RIPOR2: variants seen among roughly 807,000 people sequenced by gnomAD.
RIPOR2 encodes the protein rho family-interacting cell polarization regulator 2.
In RIPOR2, 39 loss-of-function variants were observed where a neutral mutation model predicts 114.5. The observed-to-expected ratio is 0.34, with a 90% CI of 0.26 to 0.44. RIPOR2 has a LOEUF of 0.44. RIPOR2 is among the 20% of genes least tolerant of loss of function. The pLI is 1.00. For missense variants in RIPOR2, 1,007 were observed against 1,255.1 expected (o/e 0.80, Z 2.99); for synonymous variants, 445 against 484.4 (o/e 0.92, Z 1.07).
intron 1 of RIPOR2, among the ~76,000 whole-genome samples, chr6:24,882,410 G>T (rs1766434427): frequency 6.6e-6 from 1 of 152,234 alleles, no homozygotes; most frequent in South Asian, 2.1e-4. Context: ...GAGTAGAAGT[G>T]CTGGAGGCAT....
chr6:24,842,513 G>A (rs557267272), intron 13 of RIPOR2, among the ~76,000 whole-genome samples: 51 of 152,220 alleles, frequency 3.4e-4, no homozygotes, highest in Middle Eastern at 3.4e-3. Context: ...CTGCTTTCCC[G>A]ACCCCCTGAG....
At chr6:24,926,049 G>A (rs866737885) in intron 1 of RIPOR2, among the ~76,000 whole-genome samples, 1 of 152,056 alleles carries the variant, frequency 6.6e-6, no homozygotes, top group African/African-American at 2.4e-5. Context: ...AACACCACTA[G>A]AGGGAACATT....
intron 1 of RIPOR2, among the ~76,000 whole-genome samples, chr6:25,038,312 T>C (rs367779172): frequency 3.2e-4 from 48 of 152,376 alleles, no homozygotes; most frequent in African/African-American, 1.1e-3. Context: ...AGGTTCTGTA[T>C]AGTTCTTGAA....
Position 24,865,399 on chromosome 6 carries a change from C to A in RIPOR2, c.553G>T (p.Ala185Ser), listed in dbSNP as rs375124153. ...GCGAAGGCTTGCTTCATTTTGCTGG[C>A]ACCATCCTGGAGGCGTCGCTGGATA... ...YCIQRRLQDG[A>S]SKMKQAFATS... Residue 185 changes from alanine (A) to serine (S), a missense_variant, in exon 7 of 22, where the codon GCC becomes TCC. Transcript: ENST00000643898. 6.2e-7 allele frequency: 1 copy of A among 1,613,538 alleles called. No homozygotes were observed. The highest frequency in any genetic ancestry group is 1.3e-5 in the African/African-American group (1 of 74,926).
In RIPOR2 at chr6:24,875,756, C is replaced by T. The variant is rs757375934; in HGVS notation, c.123G>A (p.Gly41=). 1.9e-6 allele frequency: 3 copies of T among 1,613,540 alleles called. No individual in the cohort carries two copies. The highest frequency in any genetic ancestry group is 2.2e-5 in the East Asian group (1 of 44,864). Residue 41 remains glycine (G), a synonymous_variant, in exon 2 of 22, where the codon GGG becomes GGA. Transcript: ENST00000643898. ...LVGSQSFSPG[G]PNGIIRSQSF... The stretch of plus-strand genomic sequence containing the variant: ...ACTGGCTTCTAATGATCCCATTGGG[C>T]CCTCCAGGCGAAAAAGACTGGGATC...
chr6:24,840,820 GATGCTTTA>G (rs1204677103), intron 13 of RIPOR2: 1 of 1,521,464 alleles, frequency 6.6e-7, no homozygotes, highest in African/African-American at 1.4e-5. Flanking sequence ...TTGTCCAGCT[GATGCTTTA>G]ATTCTGGCTG....
rs1330193110 is a variant in RIPOR2 at position 24,978,665 on chromosome 6, A to C, written c.76+63186T>G. On this transcript the variant is annotated intron_variant, in intron 1 of 13. Transcript: ENST00000510784. The stretch of plus-strand genomic sequence containing the variant: ...TGGAGGTTGGGAATATTGCTCTGCG[A>C]TAAGACTGCCTAGGTTTGAATCCTA... Among the ~76,000 whole-genome samples, 3 of 152,208 alleles carry C rather than the reference A, an allele frequency of 2.0e-5. No individual in the cohort carries two copies. The East Asian group carries it at 5.8e-4, about 29-fold the overall frequency.
intron 4 of RIPOR2, among the ~76,000 whole-genome samples, chr6:24,872,572 CTTGTATTAT>C (rs569322878): frequency 8.7e-4 from 132 of 152,084 alleles, no homozygotes; most frequent in African/African-American, 3.1e-3. Context: ...TTTTCATTTC[CTTGTATTAT>C]TTAGGAGGGT....
At chr6:25,041,966 G>T (rs1432922134) in exon 1 of RIPOR2, 1 of 689,310 alleles carries the variant, frequency 1.5e-6, no homozygotes, top group South Asian at 1.5e-5. Context: ...CATGGCAAAG[G>T]AACAAAAGGG....
At chr6:24,971,144 A>C (rs1390197131) in intron 1 of RIPOR2, among the ~76,000 whole-genome samples, 1 of 152,246 alleles carries the variant, frequency 6.6e-6, no homozygotes, top group Non-Finnish European at 1.5e-5. Context: ...AAAAACTACC[A>C]GCAAGAGTGG....
chr6:24,962,066 A>C (rs1773333809), intron 1 of RIPOR2, among the ~76,000 whole-genome samples: 2 of 152,190 alleles, frequency 1.3e-5, no homozygotes, highest in African/African-American at 2.4e-5. Flanking sequence ...AGCCAAATGC[A>C]TACTCAGGCA....
intron 1 of RIPOR2, among the ~76,000 whole-genome samples, chr6:24,886,901 T>C (rs1274445350): frequency 6.6e-6 from 1 of 152,212 alleles, no homozygotes; most frequent in Non-Finnish European, 1.5e-5. Context: ...CCTGCCCAAA[T>C]CAATTATTCC....
intron 1 of RIPOR2, among the ~76,000 whole-genome samples, chr6:25,022,333 T>C (rs1776360420): frequency 2.0e-5 from 3 of 152,104 alleles, no homozygotes; most frequent in Admixed American, 6.5e-5. Flanking sequence ...GTATGTAGGC[T>C]TTTGAGTCTG....
Position 24,840,872 on chromosome 6 carries a change from C to T in RIPOR2, c.1858-1600G>A, listed in dbSNP as rs1345202490. The T allele has an allele frequency of 4.4e-6, 5 of 1,143,672 alleles. No homozygotes were observed. The Admixed American group carries it at 8.1e-5, about 18-fold the overall frequency. The allele number at this position is 1,143,672 out of a possible 1,614,324, so 70.8% of individuals were successfully genotyped here. ...GCCATTTGCCCCAGACCTAAACACACTCACTAGTGATGTTTTCAGCAGTCT... is the reference window on the plus strand; with the variant it reads ...GCCATTTGCCCCAGACCTAAACACATTCACTAGTGATGTTTTCAGCAGTCT... On this transcript the variant is annotated intron_variant, in intron 13 of 21. Transcript: ENST00000643898.
intron 1 of RIPOR2, among the ~76,000 whole-genome samples, chr6:24,894,637 A>G (rs1400159107): frequency 6.6e-6 from 1 of 152,188 alleles, no homozygotes; most frequent in Non-Finnish European, 1.5e-5. Flanking sequence ...AAGAACAGTA[A>G]CTGGTGTCTC....
In RIPOR2 at chr6:25,003,234, C is replaced by CATGGA. The variant is rs1775397019; in HGVS notation, c.76+38616_76+38617insTCCAT. Among the ~76,000 whole-genome samples the CATGGA allele has an allele frequency of 1.3e-5, 2 of 152,012 alleles. 1 individual carries two copies. The highest frequency in any genetic ancestry group is 2.9e-5 in the Non-Finnish European group (2 of 68,000). On this transcript the variant is annotated intron_variant, in intron 1 of 13. Coordinates refer to the RIPOR2 transcript ENST00000510784. Reference sequence around the variant, plus strand: ...TGCATTTCTAAAACACAAAACCATTCAGCAATCATGGAAGAAAATGCAGAA... The same window carrying CATGGA: ...TGCATTTCTAAAACACAAAACCATTCATGGAAGCAATCATGGAAGAAAATGCAGAA...
chr6:24,844,983 C>T (rs188798166), intron 12 of RIPOR2, among the ~76,000 whole-genome samples: 19 of 152,036 alleles, frequency 1.2e-4, no homozygotes, highest in African/African-American at 3.6e-4. Flanking sequence ...CCAGCTGGGT[C>T]CCTGGTCCCA....
intron 13 of RIPOR2, chr6:24,840,612 A>G (rs1761615894): frequency 1.3e-6 from 2 of 1,519,350 alleles, no homozygotes; most frequent in Non-Finnish European, 8.8e-7. Flanking sequence ...AGCGCAAGGT[A>G]GGAAGGGCCT....
chr6:24,843,282 C>A lies in RIPOR2; in HGVS notation c.1437G>T (p.Leu479=). The A allele has an allele frequency of 1.2e-6, 2 of 1,613,996 alleles. No homozygotes were observed. Among genetic ancestry groups the A allele is most frequent in the Non-Finnish European group, 1.7e-6 (2 of 1,179,878 alleles). The change falls in exon 13 of 22, where the codon CTG becomes CTT. Residue 479 remains leucine (L), a synonymous_variant. Transcript: ENST00000643898. ...TGGGCTCCTCTGGGTCTTCCTCCTTCAGGTGTGACTTTGGCTCTTGGCCTT... is the reference window on the plus strand; with the variant it reads ...TGGGCTCCTCTGGGTCTTCCTCCTTAAGGTGTGACTTTGGCTCTTGGCCTT... ...LGEGQEPKSH[L]KEEDPEEPRK...
Sources: gnomAD v4.1 joint callset for allele counts (sites outside exome capture counted in the v4.1 genomes callset) on GRCh38, gnomAD v4.1.1 for gene constraint, MANE v1.5 for transcripts, NCBI Gene and HGNC (gene_info 2026-07-23, HGNC 2026-07-21) for gene names.